The following SHROOM1 variants were observed in gnomAD, a reference collection of about 807,000 sequenced individuals.
SHROOM1 encodes protein Shroom1.
A neutral mutation model predicts 64.2 loss-of-function variants in SHROOM1; 53 were observed. The ratio of observed to expected loss-of-function variants is 0.83; its 90% CI spans 0.66 to 1.04. The LOEUF (loss-of-function observed/expected upper bound fraction) is 1.04. Ranked by LOEUF, SHROOM1 falls within the 50% of genes least tolerant of loss-of-function variation. The pLI is 0.00. For synonymous variants in SHROOM1, 490 were observed against 518.9 expected (o/e 0.94, Z 0.76); for missense variants, 1,179 against 1,163.2 (o/e 1.01, Z -0.20).
Position 132,825,898 on chromosome 5 carries a change from T to A in SHROOM1, c.243A>T (p.Thr81=). ...CAACCGCGGGCCGGGGCCGCGGGGA[T>A]GTGCAAAGGGCAGCGTCGGGCGGGG... ...GPAPPDAALC[T]SPRPRPAVAA... is the part of the protein sequence containing the mutation. Residue 81 remains threonine (T), a synonymous_variant, in exon 4 of 10, where the codon ACA becomes ACT. Transcript: ENST00000378679. This position sits in a 1 kb window ranked among gnomAD's most constrained non-coding sequence, Gnocchi z 5.1. 7.6e-7 allele frequency: 1 copy of A among 1,317,660 alleles called. No individual in the cohort carries two copies. Among genetic ancestry groups the A allele is most frequent in the Non-Finnish European group, 9.7e-7 (1 of 1,027,036 alleles). The allele number at this position is 1,317,660 out of a possible 1,614,324, so 81.6% of individuals were successfully genotyped here.
chr5:132,828,669 CTTAT>C, intron 1 of SHROOM1, among the ~76,000 whole-genome samples: 1 of 152,342 alleles, frequency 6.6e-6, no homozygotes, highest in East Asian at 1.9e-4. Flanking sequence ...GAAAATCTAT[CTTAT>C]TTGTGAGTTA....
chr5:132,826,317 C>T lies in SHROOM1; in HGVS notation c.-83G>A. 8.1e-7 allele frequency: 1 copy of T among 1,236,902 alleles called. No homozygotes were observed. Among genetic ancestry groups the T allele is most frequent in the Non-Finnish European group, 1.0e-6 (1 of 990,590 alleles). 76.6% of individuals were successfully genotyped at this position (1,236,902 alleles called of 1,614,324 possible). A position where few individuals can be genotyped will look rare whatever the true frequency, so the allele number is the denominator to read the frequency against. On this transcript the variant is annotated 5_prime_UTR_variant, in exon 3 of 10. Transcript: ENST00000378679. ...TCACACCGTCACAAGCGCTGGCATC[C>T]CCCAGATTTTGGCAGAGTCACCTTG...
At position 132,822,924 on chromosome 5, in the gene SHROOM1, G is replaced by T; in HGVS notation, c.2431C>A (p.Arg811Ser). The stretch of plus-strand genomic sequence containing the variant: ...GCGTCCAGTTGGTCCTGAAGGAGGC[G>T]GATGCGCTCGTCCAGGTTGCGCTGC... ...AQQRNLDERI[R>S]LLQDQLDAIR... The change falls in exon 10 of 10, where the codon CGC (arginine) becomes AGC (serine). Residue 811 changes from arginine to serine, a missense_variant. Transcript: ENST00000378679. The T allele has an allele frequency of 6.2e-7, 1 of 1,613,088 alleles. No homozygotes were observed. The highest frequency in any genetic ancestry group is 8.5e-7 in the Non-Finnish European group (1 of 1,179,936).
At position 132,822,695 on chromosome 5, in the gene SHROOM1, C is replaced by T; in HGVS notation, c.*101G>A. 7.5e-7 allele frequency: 1 copy of T among 1,333,286 alleles called. No individual in the cohort carries two copies. Among genetic ancestry groups the T allele is most frequent in the South Asian group, 1.5e-5 (1 of 66,556 alleles). 82.6% of individuals were successfully genotyped at this position (1,333,286 alleles called of 1,614,324 possible). ...TATCTTAGAAAGGCCTGGACTGGGT[C>T]CTCCCCAATCCCTCAAGGGAAAAGC... is the stretch of plus-strand genomic sequence containing the variant. On this transcript the variant is annotated 3_prime_UTR_variant, in exon 10 of 10. Coordinates refer to ENST00000378679, the MANE Select transcript of SHROOM1 (RefSeq NM_001172700.2).
Position 132,823,727 on chromosome 5 carries a change from G to T in SHROOM1, c.1849C>A (p.Pro617Thr). Residue 617 changes from proline to threonine, a missense_variant, in exon 8 of 10, where the codon CCT becomes ACT. Pro to Thr is a conservative substitution (Grantham distance 38, BLOSUM62 -1). Coordinates refer to ENST00000378679, the MANE Select transcript of SHROOM1 (RefSeq NM_001172700.2). The surrounding 1 kb of genome is among the most constrained non-coding windows in gnomAD (Gnocchi z 4.6). Reference protein sequence around the residue: ...QFSFTQLLPAPREETRLENPA... With the variant: ...QFSFTQLLPATREETRLENPA... ...TTTTCAAGCCTTGTCTCCTCCCGAGGAGCCGGCAGGAGCTGGGTGAAGCTG... is the reference window on the plus strand; with the variant it reads ...TTTTCAAGCCTTGTCTCCTCCCGAGTAGCCGGCAGGAGCTGGGTGAAGCTG... The T allele has an allele frequency of 3.1e-6, 5 of 1,607,158 alleles. No individual in the cohort carries two copies. Among genetic ancestry groups the T allele is most frequent in the Non-Finnish European group, 4.2e-6 (5 of 1,176,822 alleles).
Position 132,824,741 on chromosome 5 carries a change from A to T in SHROOM1, c.1115T>A (p.Val372Asp). 1 of 1,613,834 alleles carries T rather than the reference A, an allele frequency of 6.2e-7. No homozygotes were observed. The highest frequency in any genetic ancestry group is 8.5e-7 in the Non-Finnish European group (1 of 1,179,988). Residue 372 changes from valine (V) to aspartate (D), a missense_variant, in exon 6 of 10, where the codon GTC becomes GAC. Physicochemically the swap from Val to Asp is radical, Grantham distance 152. Transcript: ENST00000378679. Reference protein sequence around the residue: ...QSSPADSEQRVSETCIVPAWL... With the variant: ...QSSPADSEQRDSETCIVPAWL... ...GGCAGGCACAATGCAGGTCTCTGAGACCCTCTGTTCACTGTCAGCAGGGCT... is the reference window on the plus strand; with the variant it reads ...GGCAGGCACAATGCAGGTCTCTGAGTCCCTCTGTTCACTGTCAGCAGGGCT...
At chr5:132,829,526 C>T (rs1475048242) in intron 1 of SHROOM1, 16 of 958,690 alleles carry the variant, frequency 1.7e-5, no homozygotes, top group Non-Finnish European at 1.9e-5. Context: ...GGGAACAGAT[C>T]CAAGTAAGGC....
Position 132,830,315 on chromosome 5 carries a change from G to T in SHROOM1, c.-501+279C>A, listed in dbSNP as rs1009823123. On this transcript the variant is annotated intron_variant, in intron 1 of 9. Transcript: ENST00000378679. The surrounding 1 kb of genome is among the most constrained non-coding windows in gnomAD (Gnocchi z 5.9). ...GCTGCCCGCCGGCGCCACACGCGGC[G>T]CGCCCAGCCGCGCCCCTGAGCCGCG... 1 of 985,002 alleles carries T rather than the reference G, an allele frequency of 1.0e-6. No individual in the cohort carries two copies. The highest frequency in any genetic ancestry group is 1.2e-6 in the Non-Finnish European group (1 of 829,810). The allele number at this position is 985,002 out of a possible 1,614,324, so 61.0% of individuals were successfully genotyped here.
chr5:132,822,793 T>C lies in SHROOM1; in HGVS notation c.*3A>G. On this transcript the variant is annotated 3_prime_UTR_variant, in exon 10 of 10. Transcript: ENST00000378679. Reference sequence around the variant, plus strand: ...CGGTGCACCCCACCCTCTCCACCTATAACTATGTAAGGAGAAGAGGGAAGG... The same window carrying C: ...CGGTGCACCCCACCCTCTCCACCTACAACTATGTAAGGAGAAGAGGGAAGG... The C allele has an allele frequency of 6.3e-7, 1 of 1,592,976 alleles. No homozygotes were observed. Among genetic ancestry groups the C allele is most frequent in the Non-Finnish European group, 8.5e-7 (1 of 1,169,832 alleles).
At position 132,825,439 on chromosome 5, in the gene SHROOM1, C is replaced by G; in HGVS notation, c.702G>C (p.Arg234=). 1.3e-6 allele frequency: 2 copies of G among 1,589,108 alleles called. No homozygotes were observed. Among genetic ancestry groups the G allele is most frequent in the Non-Finnish European group, 1.7e-6 (2 of 1,173,904 alleles). Residue 234 remains arginine, a synonymous_variant, in exon 4 of 10, where the codon CGG becomes CGC. Coordinates refer to ENST00000378679, the MANE Select transcript of SHROOM1 (RefSeq NM_001172700.2). This position sits in a 1 kb window ranked among gnomAD's most constrained non-coding sequence, Gnocchi z 5.1. ...GGCATTCCCGCGCCGGCCCACCGCC[C>G]CGACCCACACGATCCAGCTTTCCTG... is the stretch of plus-strand genomic sequence containing the variant. ...SEPGKLDRVG[R]GGGPARECLG... is the part of the protein sequence containing the mutation.
rs145343807 is a variant in SHROOM1, at chr5:132,822,973, C to T, written c.2382G>A (p.Ala794=). 9 of 1,609,642 alleles carry T rather than the reference C, an allele frequency of 5.6e-6. No individual in the cohort carries two copies. In the African/African-American group the frequency reaches 1.2e-4, roughly 21 times the overall value. Residue 794 remains alanine (A), a synonymous_variant, in exon 10 of 10, where the codon GCG becomes GCA. Coordinates refer to ENST00000378679, the MANE Select transcript of SHROOM1 (RefSeq NM_001172700.2). The part of the protein sequence containing the change: ...EELRVYCALL[A]GKAAVLAQQR... ...GCTGGGCCAGGACGGCGGCCTTGCC[C>T]GCCAGCAGGGCGCAATAGACGCGCA...
At position 132,825,748 on chromosome 5, in the gene SHROOM1, C is replaced by A. The variant is rs1758667188; in HGVS notation, c.393G>T (p.Pro131=). ...CGGCCCTCGAGGCCGGCGGGCTGGG[C>A]GGCTCGGCAGCCTGCGCCGCGGCCT... ...EAEAAAQAAE[P]PSPPASRAAY... is the part of the protein sequence containing the mutation. Residue 131 remains proline, a synonymous_variant, in exon 4 of 10, where the codon CCG becomes CCT. Coordinates refer to ENST00000378679, the MANE Select transcript of SHROOM1 (RefSeq NM_001172700.2). This position sits in a 1 kb window ranked among gnomAD's most constrained non-coding sequence, Gnocchi z 5.1. 5.6e-6 allele frequency: 7 copies of A among 1,259,030 alleles called. No individual in the cohort carries two copies. The South Asian group carries it at 1.3e-4, about 23-fold the overall frequency. The allele number at this position is 1,259,030 out of a possible 1,614,324, so 78.0% of individuals were successfully genotyped here.
rs1758587587 is a variant in SHROOM1, at chr5:132,824,476, C to T, written c.1242-57G>A. 4 of 1,520,546 alleles carry T rather than the reference C, an allele frequency of 2.6e-6. No homozygotes were observed. In the Admixed American group the frequency reaches 6.6e-5, roughly 25 times the overall value. The allele number at this position is 1,520,546 out of a possible 1,614,324, so 94.2% of individuals were successfully genotyped here. A position where few individuals can be genotyped will look rare whatever the true frequency, so the allele number is the denominator to read the frequency against. ...AGCTCCAGCCACAAACAAATGGTGGCCTCCAAGGGCCATCTGTCCCTACCC... is the reference window on the plus strand; with the variant it reads ...AGCTCCAGCCACAAACAAATGGTGGTCTCCAAGGGCCATCTGTCCCTACCC... On this transcript the variant is annotated intron_variant, in intron 6 of 9. Transcript: ENST00000378679.
At position 132,825,107 on chromosome 5, in the gene SHROOM1, C is replaced by T; in HGVS notation, c.979-34G>A. 6.2e-7 allele frequency: 1 copy of T among 1,614,082 alleles called. No homozygotes were observed. The stretch of plus-strand genomic sequence containing the variant: ...GTGAACAGTCGACTGAAATGTGGCT[C>T]AAGTTTTGTTTCCCAGATGCTCCCC... On this transcript the variant is annotated intron_variant, in intron 4 of 9. Transcript: ENST00000378679. The surrounding 1 kb of genome is among the most constrained non-coding windows in gnomAD (Gnocchi z 5.1).
chr5:132,825,315 G>A lies in SHROOM1; in HGVS notation c.826C>T (p.Leu276=). The part of the protein sequence containing the change: ...AKFEDHEVGW[L]PETQPQGSMN... ...GAGCCTTGGGGTTGCGTCTCGGGCA[G>A]CCATCCGACCTCGTGATCTTCAAAC... The change falls in exon 4 of 10, where the codon CTG becomes TTG. Residue 276 remains leucine, a synonymous_variant. Coordinates refer to ENST00000378679, the MANE Select transcript of SHROOM1 (RefSeq NM_001172700.2). This position sits in a 1 kb window ranked among gnomAD's most constrained non-coding sequence, Gnocchi z 5.1. 1 of 1,610,098 alleles carries A rather than the reference G, an allele frequency of 6.2e-7. No individual in the cohort carries two copies. The highest frequency in any genetic ancestry group is 8.5e-7 in the Non-Finnish European group (1 of 1,179,716).
Position 132,825,416 on chromosome 5 carries a change from C to T in SHROOM1, c.725G>A (p.Cys242Tyr), listed in dbSNP as rs762722266. The part of the protein sequence containing the change: ...VGRGGGPARE[C>Y]LGEACSSSGL... ...AGAGCTGGAGCAGGCCTCACCCAGG[C>T]ATTCCCGCGCCGGCCCACCGCCCCG... Residue 242 changes from cysteine to tyrosine, a missense_variant, in exon 4 of 10, where the codon TGC becomes TAC. Physicochemically the swap from Cys to Tyr is radical, Grantham distance 194. Transcript: ENST00000378679. The surrounding 1 kb of genome is among the most constrained non-coding windows in gnomAD (Gnocchi z 5.1). 50 of 1,593,240 alleles carry T rather than the reference C, an allele frequency of 3.1e-5. No homozygotes were observed. The highest frequency in any genetic ancestry group is 4.2e-5 in the Non-Finnish European group (50 of 1,176,730).
At position 132,823,268 on chromosome 5, in the gene SHROOM1, G is replaced by C; in HGVS notation, c.2208C>G (p.Asp736Glu). The change falls in exon 9 of 10, where the codon GAC becomes GAG. Residue 736 changes from aspartate (D) to glutamate (E), a missense_variant. By Grantham distance (45) the Asp-to-Glu change is conservative. Coordinates refer to ENST00000378679, the MANE Select transcript of SHROOM1 (RefSeq NM_001172700.2). The surrounding 1 kb of genome is among the most constrained non-coding windows in gnomAD (Gnocchi z 4.6). ...CTTTTACCTGCTCATCAGGGTCGCTGTCTGAGGCCGCCCGGGCCAGGGCGC... is the reference window on the plus strand; with the variant it reads ...CTTTTACCTGCTCATCAGGGTCGCTCTCTGAGGCCGCCCGGGCCAGGGCGC... ...VRRALARAAS[D>E]SDPDEQASLL... The C allele has an allele frequency of 6.3e-7, 1 of 1,598,774 alleles. No individual in the cohort carries two copies. Among genetic ancestry groups the C allele is most frequent in the Non-Finnish European group, 8.5e-7 (1 of 1,178,302 alleles).
At position 132,826,186 on chromosome 5, in the gene SHROOM1, G is replaced by A; in HGVS notation, c.-42-4C>T. On this transcript the variant is annotated splice_polypyrimidine_tract_variant and splice_region_variant and intron_variant, in intron 3 of 9. Transcript: ENST00000378679. ...AGGCTGGGTGGCTGCGTGGGTCCTG[G>A]GAAAACACAGATGTGGTGCCGGGTG... 7.7e-7 allele frequency: 1 copy of A among 1,292,344 alleles called. No individual in the cohort carries two copies. The highest frequency in any genetic ancestry group is 9.8e-7 in the Non-Finnish European group (1 of 1,020,612). 80.1% of individuals were successfully genotyped at this position (1,292,344 alleles called of 1,614,324 possible).
chr5:132,825,907 G>A lies in SHROOM1; in HGVS notation c.234C>T (p.Ala78=), dbSNP rs1174528118. The change falls in exon 4 of 10, where the codon GCC becomes GCT. Residue 78 remains alanine (A), a synonymous_variant. Coordinates refer to ENST00000378679, the MANE Select transcript of SHROOM1 (RefSeq NM_001172700.2). This position sits in a 1 kb window ranked among gnomAD's most constrained non-coding sequence, Gnocchi z 5.1. ...GCCGGGGCCGCGGGGATGTGCAAAG[G>A]GCAGCGTCGGGCGGGGCGGGGCCCG... ...GGPGPAPPDA[A]LCTSPRPRPA... 6 of 1,354,556 alleles carry A rather than the reference G, an allele frequency of 4.4e-6. No individual in the cohort carries two copies. Among genetic ancestry groups the A allele is most frequent in the South Asian group, 1.8e-5 (1 of 54,574 alleles). 83.9% of individuals were successfully genotyped at this position (1,354,556 alleles called of 1,614,324 possible). A position where few individuals can be genotyped will look rare whatever the true frequency, so the allele number is the denominator to read the frequency against.
Sources: gnomAD v4.1 joint callset for allele counts (sites outside exome capture counted in the v4.1 genomes callset) on GRCh38, gnomAD v4.1.1 for gene constraint, Gnocchi (gnomAD v3.1) non-coding constraint, MANE v1.5 for transcripts, NCBI Gene and HGNC (gene_info 2026-07-23, HGNC 2026-07-21) for gene names.